VWA3A: variants seen among roughly 807,000 people sequenced by gnomAD.
VWA3A encodes von Willebrand factor A domain containing 3A, also known as von Willebrand factor A domain-containing protein 3A.
A neutral mutation model predicts 160.4 loss-of-function variants in VWA3A; 134 were observed. That is an observed-to-expected ratio of 0.84 (90% CI 0.73 to 0.96). The LOEUF (loss-of-function observed/expected upper bound fraction) is 0.96. Ranked by LOEUF, VWA3A falls within the 40% of genes least tolerant of loss-of-function variation. The pLI, the probability that VWA3A is intolerant of heterozygous loss-of-function variation, is 0.00. For missense variants in VWA3A, 1,310 were observed against 1,447.9 expected (o/e 0.90, Z 1.55); for synonymous variants, 476 against 543.4 (o/e 0.88, Z 1.72).
chr16:22,138,854 A>T (rs528264379), intron 22 of VWA3A, among the ~76,000 whole-genome samples: 2 of 152,052 alleles, frequency 1.3e-5, no homozygotes, highest in African/African-American at 4.8e-5. Flanking sequence ...CAAAGGAATT[A>T]TGGTCTCTAA....
chr16:22,096,152 T>C (rs2045317673), intron 1 of VWA3A, among the ~76,000 whole-genome samples: 1 of 152,104 alleles, frequency 6.6e-6, no homozygotes, highest in South Asian at 2.1e-4. Context: ...CTGCAATGCA[T>C]AGGACGGCCC....
At chr16:22,136,587 A>AC in intron 21 of VWA3A, among the ~76,000 whole-genome samples, 1 of 151,894 alleles carries the variant, frequency 6.6e-6, no homozygotes, top group East Asian at 1.9e-4. Flanking sequence ...TTGCAGAAGG[A>AC]CTCACTTCCC....
At chr16:22,125,885 AAAAT>A (rs754451678) in intron 16 of VWA3A, among the ~76,000 whole-genome samples, 1 of 152,198 alleles carries the variant, frequency 6.6e-6, no homozygotes, top group Non-Finnish European at 1.5e-5. Context: ...CTAATTCTTT[AAAAT>A]AAATCTGTGA....
At chr16:22,103,613 C>A in intron 6 of VWA3A, 84 bp downstream of exon 6, 3 of 1,457,504 alleles carry the variant, frequency 2.1e-6, no homozygotes, top group South Asian at 2.5e-5. Context: ...CAAATGTAGA[C>A]CTCCAATATA....
chr16:22,115,918 G>GAAGGAAGGAAGGAAGGAAGGAAAGGA (rs2045630381), intron 9 of VWA3A, among the ~76,000 whole-genome samples: 2 of 31,388 alleles, frequency 6.4e-5, no homozygotes, highest in Non-Finnish European at 9.0e-5. Flanking sequence ...AGGAAGGAAG[G>GAAGGAAGGAAGGAAGGAAGGAAAGGA]AAGGAAAGGA....
At chr16:22,117,066 T>C (rs753411954) in intron 10 of VWA3A, 45 bp from the exon 11 acceptor site, 2 of 1,551,020 alleles carry the variant, frequency 1.3e-6, no homozygotes, top group Non-Finnish European at 1.7e-6. Flanking sequence ...TACTGGAGTA[T>C]TGGTGTTGCC....
chr16:22,154,932 G>A (rs1202791875), intron 31 of VWA3A, among the ~76,000 whole-genome samples: 1 of 123,838 alleles, frequency 8.1e-6, no homozygotes, highest in Admixed American at 9.7e-5. Context: ...CCGCAGTCCG[G>A]CCTGGGCGAC....
Position 22,156,294 on chromosome 16 carries a change from T to C in VWA3A, c.*277T>C, listed in dbSNP as rs757942817. 2.8e-4 allele frequency: 55 copies of C among 199,236 alleles called. No homozygotes were observed. The highest frequency in any genetic ancestry group is 1.1e-3 in the South Asian group (11 of 10,082). The allele number at this position is 199,236 out of a possible 1,614,324, so 12.3% of individuals were successfully genotyped here. On this transcript the variant is annotated 3_prime_UTR_variant, in exon 34 of 34. Transcript: ENST00000389398. ...GCCCTAAACCAACCCCCTGCCTAAATGGTGGTGCTTCTTGCAAACCAACCC... is the reference window on the plus strand; with the variant it reads ...GCCCTAAACCAACCCCCTGCCTAAACGGTGGTGCTTCTTGCAAACCAACCC...
At chr16:22,123,404 C>T (rs1216417359) in intron 15 of VWA3A, 40 of 1,490,374 alleles carry the variant, frequency 2.7e-5, no homozygotes, top group South Asian at 2.7e-4. Flanking sequence ...CTTCCTTCCC[C>T]ATTTGATGCA....
At chr16:22,106,020 A>G (rs978480670) in intron 6 of VWA3A, among the ~76,000 whole-genome samples, 7 of 152,206 alleles carry the variant, frequency 4.6e-5, no homozygotes, top group Admixed American at 4.6e-4. Flanking sequence ...TCCTGCCTTC[A>G]TGGAGCTTAC....
At chr16:22,146,402 C>T in intron 27 of VWA3A, 58 bp downstream of exon 27, 1 of 1,434,622 alleles carries the variant, frequency 7.0e-7, no homozygotes, top group South Asian at 1.2e-5. Flanking sequence ...AGAAGGCTAG[C>T]CCCAGGGACC....
rs1229089528 is a variant in VWA3A at position 22,100,207 on chromosome 16, G to A, written c.239G>A (p.Ser80Asn). The change falls in exon 4 of 34, where the codon AGT (serine) becomes AAT (asparagine). Residue 80 changes from serine to asparagine, a missense_variant. Coordinates refer to ENST00000389398, the MANE Select transcript of VWA3A (RefSeq NM_173615.5). ...QTQDLLRLQG[S>N]ETQSSDWEDS... ...TTTGTCTTGCAGAGGCTGCAGGGGA[G>A]TGAGACCCAGTCTTCAGATTGGGAG... The A allele has an allele frequency of 6.5e-7, 1 of 1,548,494 alleles. No individual in the cohort carries two copies. Among genetic ancestry groups the A allele is most frequent in the Non-Finnish European group, 8.7e-7 (1 of 1,146,126 alleles).
At chr16:22,133,622 C>T (rs1364583712) in intron 20 of VWA3A, among the ~76,000 whole-genome samples, 2 of 147,246 alleles carry the variant, frequency 1.4e-5, no homozygotes, top group Non-Finnish European at 3.0e-5. Context: ...TACACTCCAG[C>T]CTGGGTGACA....
chr16:22,124,312 T>A (rs985138551), intron 16 of VWA3A, among the ~76,000 whole-genome samples: 1 of 150,314 alleles, frequency 6.7e-6, no homozygotes, highest in African/African-American at 2.4e-5. Context: ...CAAATGCCCA[T>A]CCCTGGAGCT....
intron 26 of VWA3A, among the ~76,000 whole-genome samples, chr16:22,145,495 C>T (rs932829660): frequency 6.6e-6 from 1 of 151,996 alleles, no homozygotes; most frequent in African/African-American, 2.4e-5. Context: ...AAAAATTAGC[C>T]AGGCATGGTG....
At chr16:22,150,181 C>A (rs1017435568) in intron 29 of VWA3A, among the ~76,000 whole-genome samples, 1 of 152,126 alleles carries the variant, frequency 6.6e-6, no homozygotes, top group Non-Finnish European at 1.5e-5. Context: ...GCAGGTGGAT[C>A]ACCTGAGGTC....
At chr16:22,125,645 A>G (rs957627751) in intron 16 of VWA3A, among the ~76,000 whole-genome samples, 5 of 151,912 alleles carry the variant, frequency 3.3e-5, no homozygotes, top group Non-Finnish European at 5.9e-5. Context: ...GGATGGTCCC[A>G]ATCTCCTGAC....
At chr16:22,118,819 G>C in intron 11 of VWA3A, 83 bp from the exon 12 acceptor site, 1 of 1,570,650 alleles carries the variant, frequency 6.4e-7, no homozygotes, top group Non-Finnish European at 8.7e-7. Flanking sequence ...CTGGGCATTG[G>C]CCTGGCTGCT....
At chr16:22,147,446 G>A (rs1050165432) in intron 27 of VWA3A, 25 of 633,632 alleles carry the variant, frequency 3.9e-5, no homozygotes, top group Non-Finnish European at 5.7e-5. Context: ...TGGACAGGAG[G>A]GGATTCGGGC....
Sources: gnomAD v4.1 joint callset for allele counts (sites outside exome capture counted in the v4.1 genomes callset) on GRCh38, gnomAD v4.1.1 for gene constraint, MANE v1.5 for transcripts, NCBI Gene and HGNC (gene_info 2026-07-23, HGNC 2026-07-21) for gene names.